The following ERBB4 variants were observed in gnomAD, a reference collection of about 807,000 sequenced individuals.
ERBB4 encodes the protein receptor tyrosine-protein kinase erbB-4.
In ERBB4, 42 loss-of-function variants were observed where a neutral mutation model predicts 158.0. That is an observed-to-expected ratio of 0.27 (90% confidence interval 0.21 to 0.34). The LOEUF is 0.34. ERBB4 is among the 10% of genes least tolerant of loss of function. The probability of loss-of-function intolerance (pLI) is 1.00; values close to 1 mark genes in which losing one functional copy is unlikely to be tolerated. For missense variants in ERBB4, 1,333 were observed against 1,624.1 expected (o/e 0.82, Z 3.08); for synonymous variants, 583 against 558.7 (o/e 1.04, Z -0.61).
At chr2:212,199,476 C>A (rs2082528871) in intron 1 of ERBB4, among the ~76,000 whole-genome samples, 2 of 152,134 alleles carry the variant, frequency 1.3e-5, no homozygotes, top group South Asian at 4.1e-4. Context: ...GTAGTAGATA[C>A]AGAACAAACT....
intron 4 of ERBB4, among the ~76,000 whole-genome samples, chr2:211,761,539 C>T (rs538022881): frequency 1.4e-4 from 22 of 152,188 alleles, no homozygotes; most frequent in South Asian, 1.0e-3. Context: ...CCTTTTTATA[C>T]GTAGCATGTT....
chr2:212,317,252 T>C (rs780683121), intron 1 of ERBB4, among the ~76,000 whole-genome samples: 1 of 151,512 alleles, frequency 6.6e-6, no homozygotes, highest in Non-Finnish European at 1.5e-5. Flanking sequence ...TCCTTGATCT[T>C]TTCAGAATCT....
chr2:212,027,646 C>T (rs574767478), intron 2 of ERBB4, among the ~76,000 whole-genome samples: 1 of 54,354 alleles, frequency 1.8e-5, no homozygotes, highest in South Asian at 7.7e-4. Context: ...ATCACTGTTT[C>T]CATTTAAGCA....
At chr2:212,324,501 G>A (rs1408370928) in intron 1 of ERBB4, among the ~76,000 whole-genome samples, 1 of 143,332 alleles carries the variant, frequency 7.0e-6, no homozygotes, top group Non-Finnish European at 1.5e-5. Flanking sequence ...TTTTCCTTTA[G>A]TTGATTATAT....
At chr2:212,122,193 G>A (rs140502359) in intron 2 of ERBB4, among the ~76,000 whole-genome samples, 18 of 151,538 alleles carry the variant, frequency 1.2e-4, no homozygotes, top group Non-Finnish European at 1.3e-4. Flanking sequence ...ACACATATAC[G>A]TATACAGTAC....
intron 2 of ERBB4, among the ~76,000 whole-genome samples, chr2:211,967,790 CTTA>C (rs969868833): frequency 6.6e-6 from 1 of 151,810 alleles, no homozygotes; most frequent in Non-Finnish European, 1.5e-5. Flanking sequence ...AACATATAAT[CTTA>C]TTAATTTATT....
intron 1 of ERBB4, among the ~76,000 whole-genome samples, chr2:212,253,149 C>T (rs2084603216): frequency 6.6e-6 from 1 of 152,046 alleles, no homozygotes; most frequent in South Asian, 2.1e-4. Flanking sequence ...TAGCAGTCGC[C>T]AAAGTGATAC....
At chr2:212,039,327 C>T (rs2077085840) in intron 2 of ERBB4, among the ~76,000 whole-genome samples, 2 of 152,102 alleles carry the variant, frequency 1.3e-5, no homozygotes, top group Non-Finnish European at 2.9e-5. Flanking sequence ...TGAAGGGTTA[C>T]TAATAGCACT....
chr2:212,376,491 G>C (rs766871704), intron 1 of ERBB4, among the ~76,000 whole-genome samples: 4 of 152,074 alleles, frequency 2.6e-5, no homozygotes, highest in Non-Finnish European at 4.4e-5. Flanking sequence ...ATCTAGGAAA[G>C]CTTTGCCACG....
At chr2:211,417,664 A>C (rs2125396778) in intron 25 of ERBB4, among the ~76,000 whole-genome samples, 1 of 152,292 alleles carries the variant, frequency 6.6e-6, no homozygotes, top group Non-Finnish European at 1.5e-5. Flanking sequence ...TGTGGAATTG[A>C]AAAAATCAAA....
chr2:211,456,281 T>G (rs2064379397), intron 20 of ERBB4, among the ~76,000 whole-genome samples: 1 of 152,236 alleles, frequency 6.6e-6, no homozygotes, highest in Non-Finnish European at 1.5e-5. Flanking sequence ...TCTATGTCTG[T>G]GTTTTTGCTA....
intron 20 of ERBB4, among the ~76,000 whole-genome samples, chr2:211,453,228 C>T (rs144243837): frequency 1.3e-5 from 2 of 152,298 alleles, no homozygotes; most frequent in African/African-American, 4.8e-5. Context: ...CATATGCTCT[C>T]ATTTAGTAAG....
At chr2:211,812,579 T>C (rs1309530380) in intron 3 of ERBB4, among the ~76,000 whole-genome samples, 1 of 152,224 alleles carries the variant, frequency 6.6e-6, no homozygotes, top group Non-Finnish European at 1.5e-5. Flanking sequence ...CTCAGAGCTG[T>C]CAGACAGGGA....
chr2:211,383,581 G>T lies in ERBB4; in HGVS notation c.*34C>A, dbSNP rs899718455. The T allele has an allele frequency of 2.6e-6, 4 of 1,563,850 alleles. No individual in the cohort carries two copies. The highest frequency in any genetic ancestry group is 3.3e-5 in the Admixed American group (2 of 59,926). On this transcript the variant is annotated 3_prime_UTR_variant, in exon 28 of 28. Coordinates refer to ENST00000342788, the MANE Select transcript of ERBB4 (RefSeq NM_005235.3). ...GAGGGGGGTGGGGAAATTGGAGCAG[G>T]TGTGTCTCTCCACCTAAAAAACCAC...
intron 20 of ERBB4, among the ~76,000 whole-genome samples, chr2:211,452,619 AC>A (rs1208777369): frequency 6.6e-6 from 1 of 152,218 alleles, no homozygotes; most frequent in African/African-American, 2.4e-5. Context: ...TAGCTCTGTT[AC>A]CAACTATCTC....
At chr2:212,371,685 G>A (rs1314066350) in intron 1 of ERBB4, among the ~76,000 whole-genome samples, 2 of 152,036 alleles carry the variant, frequency 1.3e-5, no homozygotes, top group Non-Finnish European at 2.9e-5. Flanking sequence ...CATCTCTTTT[G>A]TTCCTATTGA....
chr2:211,725,578 G>C (rs1403048809), intron 5 of ERBB4, among the ~76,000 whole-genome samples: 2 of 152,062 alleles, frequency 1.3e-5, no homozygotes, highest in African/African-American at 2.4e-5. Context: ...CTTGTGAATA[G>C]TCACTGCACT....
At position 212,467,970 on chromosome 2, in the gene ERBB4, G is replaced by A. The variant is rs150731064; in HGVS notation, c.82+70479C>T. ...GGATGTGAGACATGGAGTCAAAGGA[G>A]ATCATTTTAAAGCTGTAAGATTTGA... is the stretch of plus-strand genomic sequence containing the variant. On this transcript the variant is annotated intron_variant, in intron 1 of 27. Transcript: ENST00000342788. 3.3e-3 allele frequency among the ~76,000 whole-genome samples: 503 copies of A among 152,324 alleles called. 5 individuals are homozygous for A. Among genetic ancestry groups the A allele is most frequent in the African/African-American group, 0.011 (468 of 41,580 alleles).
At chr2:212,443,767 G>C (rs946309974) in intron 1 of ERBB4, among the ~76,000 whole-genome samples, 1 of 152,180 alleles carries the variant, frequency 6.6e-6, no homozygotes, top group Non-Finnish European at 1.5e-5. Context: ...GGTCCCCATA[G>C]GTGAATCACA....
Sources: gnomAD v4.1 joint callset for allele counts (sites outside exome capture counted in the v4.1 genomes callset) on GRCh38, gnomAD v4.1.1 for gene constraint, MANE v1.5 for transcripts, NCBI Gene and HGNC (gene_info 2026-07-23, HGNC 2026-07-21) for gene names.